Variants in ANKS1B observed in about 807,000 individuals in gnomAD.
ANKS1B encodes ankyrin repeat and sterile alpha motif domain containing 1B, also known as ankyrin repeat and sterile alpha motif domain-containing protein 1B.
Under a neutral mutation model 148.3 loss-of-function variants are expected in ANKS1B, and 36 were observed. The observed-to-expected ratio is 0.24, with a 90% confidence interval of 0.19 to 0.32. The LOEUF (loss-of-function observed/expected upper bound fraction) is 0.32, where lower values mean the gene tolerates loss of function less well. ANKS1B is among the 10% of genes least tolerant of loss of function. The pLI is 1.00. For missense variants in ANKS1B, 1,157 were observed against 1,542.6 expected, an observed-to-expected ratio of 0.75 and a Z score of 4.19; for synonymous variants, 542 against 560.8, an observed-to-expected ratio of 0.97 and a Z score of 0.47.
Position 99,752,881 on chromosome 12 carries a change from A to G in ANKS1B, c.1128+20041T>C, listed in dbSNP as rs145304650. On this transcript the variant is annotated intron_variant, in intron 8 of 26. Transcript: ENST00000683438. ...TTATATTTCATTGCCATTAAATACA[A>G]TAATGTAAGAGGTAAAATATGTCAA... is the stretch of plus-strand genomic sequence containing the variant. Among the ~76,000 whole-genome samples the G allele has an allele frequency of 2.6e-3, 393 of 152,144 alleles. 2 individuals carry two copies. The highest frequency in any genetic ancestry group is 0.012 in the Admixed American group (190 of 15,256).
chr12:99,848,818 TA>T (rs142524371), intron 1 of ANKS1B, among the ~76,000 whole-genome samples: 7,740 of 149,138 alleles, frequency 0.052, 630 homozygotes, highest in African/African-American at 0.18. Context: ...GGATTGCATT[TA>T]AAAAAAAAAT....
chr12:99,061,801 T>A (rs2042534228), intron 16 of ANKS1B, among the ~76,000 whole-genome samples: 1 of 152,242 alleles, frequency 6.6e-6, no homozygotes, highest in South Asian at 2.1e-4. Context: ...TATCTCTTGT[T>A]TTGTGGGGCC....
intron 12 of ANKS1B, among the ~76,000 whole-genome samples, chr12:99,364,607 C>T (rs141517085): frequency 5.8e-4 from 89 of 152,270 alleles, no homozygotes; most frequent in Non-Finnish European, 1.0e-3. Context: ...ATTCTGACTT[C>T]GGTGACTCTC....
At chr12:98,735,223 A>G (rs2097767789) in exon 10 of ANKS1B, 1 of 399,080 alleles carries the variant, frequency 2.5e-6, no homozygotes, top group Non-Finnish European at 4.4e-6. Flanking sequence ...GCATTTCTAA[A>G]GCATTTTCCC....
chr12:98,737,146 G>C (rs546546444), intron 9 of ANKS1B, among the ~76,000 whole-genome samples: 5 of 152,148 alleles, frequency 3.3e-5, no homozygotes, highest in Non-Finnish European at 5.9e-5. Flanking sequence ...CTCTTTGCCT[G>C]GCAACAGCCC....
intron 17 of ANKS1B, among the ~76,000 whole-genome samples, chr12:98,859,381 G>A (rs1340264717): frequency 2.0e-5 from 3 of 152,110 alleles, no homozygotes; most frequent in Non-Finnish European, 4.4e-5. Flanking sequence ...TTTAAACCTG[G>A]GCATTAATCA....
chr12:98,763,501 C>T (rs569203343), intron 25 of ANKS1B, among the ~76,000 whole-genome samples: 36 of 152,258 alleles, frequency 2.4e-4, no homozygotes, highest in African/African-American at 8.4e-4. Flanking sequence ...AAAAGAGCCA[C>T]GAGATTCCTT....
In ANKS1B at chr12:98,953,537, G is replaced by GTTTTTTTTTTTTTTTTTTTTTTTTTT. The variant is rs1166158783; in HGVS notation, c.2778+99594_2778+99619dup. On this transcript the variant is annotated intron_variant, in intron 17 of 26. Transcript: ENST00000683438. ...CATGTCCATTTGAGAATCTAGAGTGGTTTTTTTTTTTTTTTTTTTTTTTTT... is the reference window on the plus strand; with the variant it reads ...CATGTCCATTTGAGAATCTAGAGTGGTTTTTTTTTTTTTTTTTTTTTTTTTTTTTTTTTTTTTTTTTTTTTTTTTTT... Among the ~76,000 whole-genome samples, 5 of 57,456 alleles carry GTTTTTTTTTTTTTTTTTTTTTTTTTT rather than the reference G, an allele frequency of 8.7e-5. 1 individual carries two copies. Among genetic ancestry groups the GTTTTTTTTTTTTTTTTTTTTTTTTTT allele is most frequent in the East Asian group, 1.3e-3 (2 of 1,564 alleles). The allele number at this position is 57,456 out of a possible 152,430, so 37.7% of individuals were successfully genotyped here.
intron 1 of ANKS1B, among the ~76,000 whole-genome samples, chr12:99,880,412 C>T (rs1407420230): frequency 6.6e-6 from 1 of 152,172 alleles, no homozygotes; most frequent in Admixed American, 6.5e-5. Flanking sequence ...TAACCACTTA[C>T]AATACACAGC....
chr12:98,767,419 C>T (rs552600291), intron 25 of ANKS1B, among the ~76,000 whole-genome samples: 1 of 152,240 alleles, frequency 6.6e-6, no homozygotes, highest in South Asian at 2.1e-4. Context: ...GTCTCCCACA[C>T]GTCCCACCCA....
intron 8 of ANKS1B, 107 bp downstream of exon 8, chr12:99,772,815 T>C (rs553129336): frequency 1.7e-6 from 2 of 1,180,370 alleles, no homozygotes; most frequent in South Asian, 4.2e-5. Context: ...AACTGACATC[T>C]TAGAGTGGCG....
chr12:99,931,163 G>C (rs1358030947), intron 1 of ANKS1B, among the ~76,000 whole-genome samples: 2 of 152,014 alleles, frequency 1.3e-5, no homozygotes, highest in African/African-American at 4.8e-5. Flanking sequence ...GACACAGGAA[G>C]GGGAACATCA....
chr12:98,969,007 T>C (rs2099880978), intron 17 of ANKS1B, among the ~76,000 whole-genome samples: 1 of 152,142 alleles, frequency 6.6e-6, no homozygotes, highest in Non-Finnish European at 1.5e-5. Context: ...TAATGATGCG[T>C]TGGTTTTCTC....
At chr12:99,811,299 A>G (rs1219668931) in intron 3 of ANKS1B, among the ~76,000 whole-genome samples, 1 of 151,906 alleles carries the variant, frequency 6.6e-6, no homozygotes, top group African/African-American at 2.4e-5. Context: ...TGCTTGCCCT[A>G]AAGTAACCTA....
At chr12:99,305,861 A>T (rs1244752070) in intron 12 of ANKS1B, among the ~76,000 whole-genome samples, 1 of 152,178 alleles carries the variant, frequency 6.6e-6, no homozygotes, top group Non-Finnish European at 1.5e-5. Context: ...GTAATGGAGA[A>T]CCCATTTCTT....
intron 11 of ANKS1B, among the ~76,000 whole-genome samples, chr12:99,434,371 C>G: frequency 6.6e-6 from 1 of 152,140 alleles, no homozygotes; most frequent in Middle Eastern, 3.4e-3. Context: ...TTTAATTACA[C>G]AATAAATTTA....
At chr12:99,649,460 C>A in intron 9 of ANKS1B, 1 of 1,317,676 alleles carries the variant, frequency 7.6e-7, no homozygotes, top group Non-Finnish European at 1.1e-6. Context: ...AGTCATAAAA[C>A]CTATAGTGCC....
chr12:99,958,102 T>A (rs984814886), intron 1 of ANKS1B, among the ~76,000 whole-genome samples: 1 of 152,116 alleles, frequency 6.6e-6, no homozygotes, highest in Non-Finnish European at 1.5e-5. Context: ...AAGAGATGAC[T>A]ATGCCAGAGT....
intron 2 of ANKS1B, among the ~76,000 whole-genome samples, chr12:99,819,876 G>C (rs1565791783): frequency 6.6e-6 from 1 of 151,548 alleles, no homozygotes; most frequent in Non-Finnish European, 1.5e-5. Flanking sequence ...GAAAGCAGAG[G>C]AGAACAAGAA....
Sources: gnomAD v4.1 joint callset for allele counts (sites outside exome capture counted in the v4.1 genomes callset) on GRCh38, gnomAD v4.1.1 for gene constraint, MANE v1.5 for transcripts, NCBI Gene and HGNC (gene_info 2026-07-23, HGNC 2026-07-21) for gene names.